Variants in CCSER1 observed in about 807,000 individuals in gnomAD.
CCSER1 encodes the protein serine-rich coiled-coil domain-containing protein 1.
Under a neutral mutation model 82.0 loss-of-function variants are expected in CCSER1, and 41 were observed. The ratio of observed to expected loss-of-function variants is 0.50; its 90% CI spans 0.39 to 0.65. The LOEUF (loss-of-function observed/expected upper bound fraction) is 0.65. Among genes scored for constraint, CCSER1 ranks in the 30% least tolerant of loss-of-function variants. The pLI, the probability that CCSER1 is intolerant of heterozygous loss-of-function variation, is 0.00. For synonymous variants in CCSER1, 414 were observed against 383.9 expected (o/e 1.08, Z -0.92); for missense variants, 1,119 against 1,064.2 (o/e 1.05, Z -0.72).
intron 7 of CCSER1, among the ~76,000 whole-genome samples, chr4:90,725,445 G>T (rs1459990512): frequency 2.6e-5 from 4 of 151,416 alleles, no homozygotes; most frequent in Non-Finnish European, 4.4e-5. Context: ...AAACTTTCAA[G>T]TGCTTATAAT....
In CCSER1 at chr4:90,183,679, G is replaced by C. The variant is rs572192099; in HGVS notation, c.-42+55848G>C. On this transcript the variant is annotated intron_variant, in intron 1 of 10. Transcript: ENST00000509176. ...CTGACTTGAGCTTTTTCTCTGACTAGATTTTTTACCTCAAAGGCAGTTGTA... is the reference window on the plus strand; with the variant it reads ...CTGACTTGAGCTTTTTCTCTGACTACATTTTTTACCTCAAAGGCAGTTGTA... Among the ~76,000 whole-genome samples the C allele has an allele frequency of 8.5e-5, 13 of 152,240 alleles. No individual in the cohort carries two copies. The South Asian group carries it at 2.7e-3, about 32-fold the overall frequency.
chr4:90,517,770 A>G (rs1051048053), intron 5 of CCSER1, among the ~76,000 whole-genome samples: 7 of 152,122 alleles, frequency 4.6e-5, no homozygotes, highest in South Asian at 2.1e-4. Flanking sequence ...AAGGAATCCA[A>G]TGTTAGGACT....
At chr4:90,133,846 C>G (rs1251317940) in intron 1 of CCSER1, among the ~76,000 whole-genome samples, 1 of 152,136 alleles carries the variant, frequency 6.6e-6, no homozygotes, top group Non-Finnish European at 1.5e-5. Context: ...CAATGTCCAG[C>G]ACATAGTAGA....
chr4:90,921,370 G>A (rs371909920), intron 8 of CCSER1, among the ~76,000 whole-genome samples: 1 of 151,972 alleles, frequency 6.6e-6, no homozygotes, highest in Non-Finnish European at 1.5e-5. Context: ...TATGGCACAC[G>A]TGCATACGTA....
At chr4:90,148,916 T>C (rs898231577) in intron 1 of CCSER1, among the ~76,000 whole-genome samples, 8 of 152,162 alleles carry the variant, frequency 5.3e-5, no homozygotes, top group Admixed American at 2.0e-4. Context: ...GTCAATCTTA[T>C]GCTTATTTTT....
chr4:90,790,561 C>T (rs1275186562), intron 7 of CCSER1, among the ~76,000 whole-genome samples: 1 of 152,000 alleles, frequency 6.6e-6, no homozygotes, highest in Non-Finnish European at 1.5e-5. Context: ...TTTTTTCCCC[C>T]CAGAATGCTT....
intron 10 of CCSER1, among the ~76,000 whole-genome samples, chr4:91,518,299 A>G (rs560427779): frequency 6.6e-6 from 1 of 152,282 alleles, no homozygotes; most frequent in East Asian, 1.9e-4. Context: ...ATGATGGAGC[A>G]GCCGCTCTGT....
At chr4:91,153,351 T>G (rs991556324) in intron 10 of CCSER1, among the ~76,000 whole-genome samples, 1 of 151,982 alleles carries the variant, frequency 6.6e-6, no homozygotes, top group Non-Finnish European at 1.5e-5. Context: ...GCCATGGTTT[T>G]CAGCTCCATC....
At chr4:90,917,628 T>G (rs35074538) in intron 8 of CCSER1, among the ~76,000 whole-genome samples, 7,398 of 152,080 alleles carry the variant, frequency 0.049, 364 homozygotes, top group East Asian at 0.22. Flanking sequence ...AAACCTGCAC[T>G]TTGTGCACAT....
intron 4 of CCSER1, among the ~76,000 whole-genome samples, chr4:90,459,964 C>T (rs936498483): frequency 6.6e-6 from 1 of 152,146 alleles, no homozygotes; most frequent in African/African-American, 2.4e-5. Flanking sequence ...TTTTCTCTAT[C>T]ACTTGTGAGC....
chr4:91,416,217 GA>G (rs529948850), intron 10 of CCSER1, among the ~76,000 whole-genome samples: 135 of 152,098 alleles, frequency 8.9e-4, no homozygotes, highest in African/African-American at 3.1e-3. Flanking sequence ...CATACAAATG[GA>G]AAAACATTCC....
chr4:91,284,968 T>A (rs1743171775), intron 10 of CCSER1, among the ~76,000 whole-genome samples: 1 of 152,040 alleles, frequency 6.6e-6, no homozygotes. Flanking sequence ...CTATCTCCTT[T>A]CTAATGAAAA....
intron 10 of CCSER1, among the ~76,000 whole-genome samples, chr4:91,403,236 C>T (rs1175724759): frequency 3.9e-5 from 6 of 152,088 alleles, no homozygotes; most frequent in Non-Finnish European, 7.3e-5. Flanking sequence ...GATTTTTGTA[C>T]GTTGATTTTG....
intron 9 of CCSER1, among the ~76,000 whole-genome samples, chr4:90,963,388 A>G (rs1337803813): frequency 6.6e-6 from 1 of 152,186 alleles, no homozygotes; most frequent in African/African-American, 2.4e-5. Flanking sequence ...ATATATAAAC[A>G]TATATTATGA....
Position 90,628,170 on chromosome 4 carries a change from A to T in CCSER1, c.1870A>T (p.Met624Leu). 1 of 1,613,916 alleles carries T rather than the reference A, an allele frequency of 6.2e-7. No homozygotes were observed. Among genetic ancestry groups the T allele is most frequent in the Non-Finnish European group, 8.5e-7 (1 of 1,179,816 alleles). Residue 624 changes from methionine to leucine, a missense_variant, in exon 6 of 11, where the codon ATG (methionine) becomes TTG (leucine). By Grantham distance (15) the Met-to-Leu change is conservative. Coordinates refer to ENST00000509176, the MANE Select transcript of CCSER1 (RefSeq NM_001145065.2). ...GGIDSLPFRLMLQDCTAVKTL... is the reference protein window; with the variant it reads ...GGIDSLPFRLLLQDCTAVKTL... Reference sequence around the variant, plus strand: ...CATAGATTCTCTGCCATTCAGACTGATGTTACAGGACTGCACGGCAGTCAA... The same window carrying T: ...CATAGATTCTCTGCCATTCAGACTGTTGTTACAGGACTGCACGGCAGTCAA...
At chr4:90,645,994 A>G (rs1049870737) in intron 6 of CCSER1, among the ~76,000 whole-genome samples, 4 of 152,206 alleles carry the variant, frequency 2.6e-5, no homozygotes, top group African/African-American at 9.6e-5. Context: ...CTTACTGACA[A>G]ATTGTTTAAT....
At chr4:90,301,089 C>T (rs1248675640) in intron 1 of CCSER1, among the ~76,000 whole-genome samples, 2 of 152,112 alleles carry the variant, frequency 1.3e-5, no homozygotes, top group African/African-American at 2.4e-5. Context: ...CTGCTTCAGC[C>T]TCCCGAAATG....
chr4:90,202,129 CT>C (rs1245519276), intron 1 of CCSER1, among the ~76,000 whole-genome samples: 1 of 151,888 alleles, frequency 6.6e-6, no homozygotes, highest in Non-Finnish European at 1.5e-5. Flanking sequence ...CAAAAACTAA[CT>C]CTTTTTGGTG....
At chr4:90,318,255 A>G (rs1238627279) in intron 3 of CCSER1, among the ~76,000 whole-genome samples, 2 of 152,154 alleles carry the variant, frequency 1.3e-5, no homozygotes, top group African/African-American at 4.8e-5. Flanking sequence ...TAAGTGAACT[A>G]AGTTTACTTT....
Sources: gnomAD v4.1 joint callset for allele counts (sites outside exome capture counted in the v4.1 genomes callset) on GRCh38, gnomAD v4.1.1 for gene constraint, MANE v1.5 for transcripts, NCBI Gene and HGNC (gene_info 2026-07-23, HGNC 2026-07-21) for gene names.